The following USP35 variants were observed in gnomAD, a reference collection of about 807,000 sequenced individuals.
USP35 encodes ubiquitin specific peptidase 35.
In USP35, 69 loss-of-function variants were observed where a neutral mutation model predicts 83.8. The ratio of observed to expected loss-of-function variants is 0.82; its 90% CI spans 0.68 to 1.01. USP35 has a LOEUF of 1.01. Among genes scored for constraint, USP35 ranks in the 50% least tolerant of loss-of-function variants. The pLI, the probability that USP35 is intolerant of heterozygous loss-of-function variation, is 0.00. For synonymous variants in USP35, 714 were observed against 589.5 expected, an observed-to-expected ratio of 1.21 and a Z score of -3.06; for missense variants, 1,503 against 1,362.5, an observed-to-expected ratio of 1.10 and a Z score of -1.62.
At chr11:78,193,343 C>T (rs900484247) in intron 1 of USP35, among the ~76,000 whole-genome samples, 2 of 151,734 alleles carry the variant, frequency 1.3e-5, no homozygotes, top group African/African-American at 4.9e-5. Flanking sequence ...AGGTGTGAGA[C>T]ACTACGCCTG....
the USP35 span, chr11:78,220,295 C>G: frequency 6.2e-7 from 1 of 1,610,054 alleles, no homozygotes; most frequent in South Asian, 1.1e-5. Context: ...GCTCTTACTG[C>G]CCCCCCAACT....
At position 78,205,722 on chromosome 11, in the gene USP35, G is replaced by T. The variant is rs547919610; in HGVS notation, c.1198-120G>T. ...CACACACCCCAGAACATCTGTGGGGGGGTGTGCCTGGGAGGCCTTGGGGTT... is the reference window on the plus strand; with the variant it reads ...CACACACCCCAGAACATCTGTGGGGTGGTGTGCCTGGGAGGCCTTGGGGTT... On this transcript the variant is annotated intron_variant, in intron 6 of 10. Coordinates refer to ENST00000529308, the MANE Select transcript of USP35 (RefSeq NM_020798.4). 18 of 1,055,422 alleles carry T rather than the reference G, an allele frequency of 1.7e-5. 1 individual carries two copies. In the East Asian group the frequency reaches 1.7e-4, roughly 10 times the overall value. The allele number at this position is 1,055,422 out of a possible 1,614,324, so 65.4% of individuals were successfully genotyped here.
chr11:78,200,060 C>A, intron 4 of USP35, 73 bp from the exon 5 acceptor site: 4 of 1,528,458 alleles, frequency 2.6e-6, no homozygotes, highest in Non-Finnish European at 3.6e-6. Context: ...TCTGAGTCCC[C>A]TCTCAGGCTT....
Position 78,196,528 on chromosome 11 carries a change from C to T in USP35, c.283C>T (p.Pro95Ser). 3 of 1,220,148 alleles carry T rather than the reference C, an allele frequency of 2.5e-6. No individual in the cohort carries two copies. Among genetic ancestry groups the T allele is most frequent in the Non-Finnish European group, 2.1e-6 (2 of 972,936 alleles). 75.6% of individuals were successfully genotyped at this position (1,220,148 alleles called of 1,614,324 possible). The change falls in exon 2 of 11, where the codon CCC (proline) becomes TCC (serine). Residue 95 changes from proline to serine, a missense_variant. Transcript: ENST00000529308. This position sits in a 1 kb window ranked among gnomAD's most constrained non-coding sequence, Gnocchi z 4.8. ...VLRLLQGGAG[P>S]PGPRALACVQ... The stretch of plus-strand genomic sequence containing the variant: ...GCGCCTGCTGCAGGGTGGCGCCGGC[C>T]CCCCGGGCCCCCGCGCGCTCGCCTG...
intron 7 of USP35, among the ~76,000 whole-genome samples, chr11:78,206,319 T>TGG (rs1565400315): frequency 6.6e-6 from 1 of 152,180 alleles, no homozygotes; most frequent in Admixed American, 6.5e-5. Context: ...CTAGAGTCTG[T>TGG]GGGGGTGGAT....
At position 78,208,989 on chromosome 11, in the gene USP35, A is replaced by G. The variant is rs1160202869; in HGVS notation, c.1592+26A>G. ...GTAAGGGGGCCAGGGCTACGCGAAG[A>G]CTCCAGGTCTAGAGGGTCCTTGGGG... is the stretch of plus-strand genomic sequence containing the variant. On this transcript the variant is annotated intron_variant, in intron 9 of 10. Transcript: ENST00000529308. 3.1e-6 allele frequency: 5 copies of G among 1,609,368 alleles called. No individual in the cohort carries two copies. The South Asian group carries it at 3.3e-5, about 11-fold the overall frequency.
rs753411343 is a variant in USP35, at chr11:78,210,092, T to G, written c.2237T>G (p.Ile746Ser). 2.5e-6 allele frequency: 4 copies of G among 1,613,794 alleles called. No homozygotes were observed. ...GCGGGGACCCACCCGGATGCTGCCA[T>G]CCCCTCCGGGGAGCGGACATGTGGC... ...LGAGTHPDAAIPSGERTCGSE... is the reference protein window; with the variant it reads ...LGAGTHPDAASPSGERTCGSE... Residue 746 changes from isoleucine to serine, a missense_variant, in exon 10 of 11, where the codon ATC (isoleucine) becomes AGC (serine). Coordinates refer to ENST00000529308, the MANE Select transcript of USP35 (RefSeq NM_020798.4).
chr11:78,223,740 A>C, the USP35 span: 6 of 1,375,160 alleles, frequency 4.4e-6, no homozygotes, highest in Non-Finnish European at 5.0e-6. Context: ...GAAGGGGGTA[A>C]GACTTTGTAA....
At chr11:78,220,543 C>A in the USP35 span, 2 of 1,038,222 alleles carry the variant, frequency 1.9e-6, no homozygotes, top group Middle Eastern at 4.3e-4. Flanking sequence ...TTTCCCTGAG[C>A]CCTACTCTGA....
chr11:78,219,084 A>C, downstream of USP35: 1 of 582,474 alleles, frequency 1.7e-6, no homozygotes, highest in Admixed American at 3.1e-5. Flanking sequence ...TGGGCAGAGG[A>C]GGTGCCTTGA....
intron 10 of USP35, 27 bp from the exon 11 acceptor site, chr11:78,213,619 T>TAAGTC (rs1555089540): frequency 8.9e-6 from 13 of 1,458,070 alleles, no homozygotes; most frequent in Middle Eastern, 1.8e-4. Flanking sequence ...ATTCTAAGTC[T>TAAGTC]AAGTCTCCTC....
At chr11:78,218,297 C>G (rs1220753947), downstream of USP35, 1 of 153,602 alleles carries the variant, frequency 6.5e-6, no homozygotes, top group African/African-American at 2.4e-5. Context: ...ACACCACACT[C>G]CCTCCCATAT....
downstream of USP35, chr11:78,217,528 T>C (rs1483056284): frequency 6.6e-6 from 1 of 152,194 alleles, no homozygotes; most frequent in Admixed American, 6.5e-5. Flanking sequence ...CCATCAAACA[T>C]GGCAGGAAGT....
chr11:78,201,057 C>A (rs535848706), intron 6 of USP35, among the ~76,000 whole-genome samples: 34 of 152,222 alleles, frequency 2.2e-4, no homozygotes, highest in Non-Finnish European at 5.0e-4. Flanking sequence ...ATAAACGCTT[C>A]TCTGTCAGTG....
the USP35 span, among the ~76,000 whole-genome samples, chr11:78,228,835 G>A: frequency 6.6e-6 from 1 of 151,688 alleles, no homozygotes; most frequent in Non-Finnish European, 1.5e-5. Context: ...GAGGACGGGG[G>A]TGGCGGGGGG....
At chr11:78,222,360 G>C in the USP35 span, among the ~76,000 whole-genome samples, 3 of 152,164 alleles carry the variant, frequency 2.0e-5, no homozygotes, top group African/African-American at 7.2e-5. Context: ...TGCCCATATT[G>C]ATGAGCCTTG....
rs761369406 is a variant in USP35 at position 78,205,991 on chromosome 11, A to G, written c.1347A>G (p.Thr449=). The change falls in exon 7 of 11, where the codon ACA becomes ACG. Residue 449 remains threonine (T), a synonymous_variant. Transcript: ENST00000529308. ...TTGGTCTCATCAACCTGGGCAACAC[A>G]TGCTATGTCAACAGCATCCTTCAGG... ...GKIGLINLGN[T]CYVNSILQAL... is the part of the protein sequence containing the mutation. 2 of 1,614,194 alleles carry G rather than the reference A, an allele frequency of 1.2e-6. No homozygotes were observed. Among genetic ancestry groups the G allele is most frequent in the South Asian group, 2.2e-5 (2 of 91,088 alleles).
intron 1 of USP35, among the ~76,000 whole-genome samples, chr11:78,193,721 A>T (rs1332880176): frequency 6.6e-6 from 1 of 150,568 alleles, no homozygotes; most frequent in Non-Finnish European, 1.5e-5. Context: ...TGTATCCCAG[A>T]TGAGCCACAT....
At chr11:78,231,151 G>A in the USP35 span, among the ~76,000 whole-genome samples, 30 of 152,292 alleles carry the variant, frequency 2.0e-4, no homozygotes, top group South Asian at 8.3e-4. Flanking sequence ...GGAGCAGGAA[G>A]ATACTCAAAC....
Sources: allele counts gnomAD v4.1 joint callset (sites outside exome capture counted in the v4.1 genomes callset), GRCh38; gene constraint gnomAD v4.1.1; non-coding constraint Gnocchi (gnomAD v3.1); transcripts MANE v1.5; gene names NCBI Gene and HGNC (gene_info 2026-07-23, HGNC 2026-07-21).